GLS: variants seen among roughly 807,000 people sequenced by gnomAD.
GLS encodes the protein glutaminase kidney isoform, mitochondrial.
A neutral mutation model predicts 86.7 loss-of-function variants in GLS; 36 were observed. The ratio of observed to expected loss-of-function variants is 0.42; its 90% CI spans 0.32 to 0.55. The LOEUF (loss-of-function observed/expected upper bound fraction) is 0.55, where lower values mean the gene tolerates loss of function less well. Among genes scored for constraint, GLS ranks in the 20% least tolerant of loss-of-function variants. GLS has a pLI of 0.17. For synonymous variants in GLS, 317 were observed against 305.9 expected, an observed-to-expected ratio of 1.04 and a Z score of -0.38; for missense variants, 528 against 833.4, an observed-to-expected ratio of 0.63 and a Z score of 4.51.
rs1348991312 is a variant in GLS at position 190,943,659 on chromosome 2, C to CA, written c.1651-9904dup. On this transcript the variant is annotated intron_variant, in intron 14 of 17. Transcript: ENST00000320717. The surrounding 1 kb of genome is among the most constrained non-coding windows in gnomAD (Gnocchi z 4.5). ...TGTCTTAAAATATGCTTTTCTCCAG[C>CA]AATTTTCTGTATTATATGTTGGAGG... 6.6e-6 allele frequency among the ~76,000 whole-genome samples: 1 copy of CA among 152,052 alleles called. No homozygotes were observed. Among genetic ancestry groups the CA allele is most frequent in the Non-Finnish European group, 1.5e-5 (1 of 67,992 alleles).
At chr2:190,887,617 G>T (rs1335493944) in intron 1 of GLS, among the ~76,000 whole-genome samples, 2 of 152,010 alleles carry the variant, frequency 1.3e-5, no homozygotes, top group African/African-American at 4.8e-5. Context: ...TTCAATTCTT[G>T]ATGGTAAACT....
chr2:190,900,778 G>C, intron 4 of GLS, 85 bp downstream of exon 4: 1 of 1,020,384 alleles, frequency 9.8e-7, no homozygotes, highest in Non-Finnish European at 1.4e-6. Flanking sequence ...AAATTGTGTA[G>C]TTGTGTTTTG....
chr2:190,908,925 A>T (rs188814696), intron 6 of GLS, among the ~76,000 whole-genome samples: 1 of 152,226 alleles, frequency 6.6e-6, no homozygotes, highest in East Asian at 1.9e-4. Flanking sequence ...ACTCACATTT[A>T]TGTGATACCA....
rs1688183942 is a variant in GLS at position 190,881,562 on chromosome 2, C to G, written c.386+92C>G. 1.2e-5 allele frequency: 14 copies of G among 1,209,948 alleles called. No homozygotes were observed. In the East Asian group the frequency reaches 1.5e-4, roughly 13 times the overall value. 75.0% of individuals were successfully genotyped at this position (1,209,948 alleles called of 1,614,324 possible). A position where few individuals can be genotyped will look rare whatever the true frequency, so the allele number is the denominator to read the frequency against. ...CCCTGCGGTGGGGCGGGATAGGAGC[C>G]GAGGGTCTAGAAAAGAGAAAGAAAG... On this transcript the variant is annotated intron_variant, in intron 1 of 17. Transcript: ENST00000320717.
chr2:190,899,282 T>A (rs1342939902), intron 3 of GLS, among the ~76,000 whole-genome samples: 1 of 152,144 alleles, frequency 6.6e-6, no homozygotes, highest in Non-Finnish European at 1.5e-5. Flanking sequence ...AGCTCTGGGG[T>A]GTCAATACTA....
At position 190,881,207 on chromosome 2, in the gene GLS, G is replaced by T. The variant is rs968829199; in HGVS notation, c.123G>T (p.Gly41=). The T allele has an allele frequency of 8.0e-7, 1 of 1,256,376 alleles. No individual in the cohort carries two copies. Among genetic ancestry groups the T allele is most frequent in the Non-Finnish European group, 1.0e-6 (1 of 1,004,264 alleles). 77.8% of individuals were successfully genotyped at this position (1,256,376 alleles called of 1,614,324 possible). ...CCCTGTGCCGGCGTCCCCGAGGCGG[G>T]GGACGGCCGGCCGCGGGCCCGGCTG... The part of the protein sequence containing the change: ...LVTLCRRPRG[G]GRPAAGPAAA... Residue 41 remains glycine, a synonymous_variant, in exon 1 of 18, where the codon GGG becomes GGT. Coordinates refer to ENST00000320717, the MANE Select transcript of GLS (RefSeq NM_014905.5).
chr2:190,933,453 A>T lies in GLS; in HGVS notation c.1650+1816A>T, dbSNP rs910963957. On this transcript the variant is annotated intron_variant, in intron 14 of 17. Transcript: ENST00000320717. ...TACATTTTAAAAAATTTATTTAAAA[A>T]TTTATCAAATGCTTTAAAATATGAC... 12 of 864,842 alleles carry T rather than the reference A, an allele frequency of 1.4e-5. No homozygotes were observed. The Admixed American group carries it at 5.6e-4, about 40-fold the overall frequency. The allele number at this position is 864,842 out of a possible 1,614,324, so 53.6% of individuals were successfully genotyped here. A position where few individuals can be genotyped will look rare whatever the true frequency, so the allele number is the denominator to read the frequency against.
intron 14 of GLS, among the ~76,000 whole-genome samples, chr2:190,945,477 A>G (rs1690552312): frequency 6.6e-6 from 1 of 152,006 alleles, no homozygotes; most frequent in African/African-American, 2.4e-5. Flanking sequence ...CCTGGGCAAC[A>G]TAGTGAGACC....
At chr2:190,934,033 G>A (rs777350339) in intron 14 of GLS, 2 of 972,920 alleles carry the variant, frequency 2.1e-6, no homozygotes, top group Non-Finnish European at 2.4e-6. Flanking sequence ...TTGGCAAAGT[G>A]ATTGTAAAAT....
Position 190,913,898 on chromosome 2 carries a change from C to G in GLS, c.1038+3577C>G, listed in dbSNP as rs1405157558. On this transcript the variant is annotated intron_variant, in intron 7 of 17. Transcript: ENST00000320717. This position sits in a 1 kb window ranked among gnomAD's most constrained non-coding sequence, Gnocchi z 6.1. ...CACTGCAGCCTCAAACTCCTGTGCT[C>G]AAGTGATCCTGCCACCTCAGACTCC... 1.6e-5 allele frequency: 3 copies of G among 182,794 alleles called. No individual in the cohort carries two copies. The highest frequency in any genetic ancestry group is 3.1e-5 in the Non-Finnish European group (3 of 96,144). 11.3% of individuals were successfully genotyped at this position (182,794 alleles called of 1,614,324 possible).
intron 7 of GLS, among the ~76,000 whole-genome samples, chr2:190,911,390 G>C (rs1167964480): frequency 6.6e-6 from 1 of 152,024 alleles, no homozygotes; most frequent in Non-Finnish European, 1.5e-5. Context: ...ATGTTTACTT[G>C]TTACTTCAAG....
In GLS at chr2:190,930,120, G is replaced by A. The variant is rs894601501; in HGVS notation, c.1426-317G>A. ...CTTGCTCTGTCATCCAGGCTGGAGTGCAGTGGTGCGATCATGGCTCACTGT... is the reference window on the plus strand; with the variant it reads ...CTTGCTCTGTCATCCAGGCTGGAGTACAGTGGTGCGATCATGGCTCACTGT... On this transcript the variant is annotated intron_variant, in intron 12 of 17. Transcript: ENST00000320717. This position sits in a 1 kb window ranked among gnomAD's most constrained non-coding sequence, Gnocchi z 5.0. 5.9e-5 allele frequency among the ~76,000 whole-genome samples: 9 copies of A among 151,384 alleles called. No individual in the cohort carries two copies. The highest frequency in any genetic ancestry group is 2.2e-4 in the African/African-American group (9 of 41,212).
intron 3 of GLS, 22 bp from the exon 4 acceptor site, chr2:190,900,542 A>G: frequency 4.1e-6 from 6 of 1,467,268 alleles, no homozygotes; most frequent in Non-Finnish European, 5.6e-6. Context: ...CAGTTTATTA[A>G]TTATCTTTTT....
intron 17 of GLS, among the ~76,000 whole-genome samples, chr2:190,959,949 G>A (rs751927155): frequency 8.5e-4 from 130 of 152,148 alleles, no homozygotes; most frequent in Non-Finnish European, 2.6e-4. Flanking sequence ...GGGAAGAGAC[G>A]AGACTGAAGG....
intron 7 of GLS, among the ~76,000 whole-genome samples, chr2:190,915,055 G>A (rs768409157): frequency 1.9e-4 from 28 of 150,472 alleles, no homozygotes; most frequent in Non-Finnish European, 1.5e-4. Context: ...CTTGCTTGTC[G>A]CCCAGGCTGG....
intron 14 of GLS, among the ~76,000 whole-genome samples, chr2:190,936,613 A>AG (rs1289812675): frequency 1.3e-5 from 2 of 151,088 alleles, no homozygotes; most frequent in Admixed American, 1.3e-4. Flanking sequence ...ATTCACTACC[A>AG]GGACTGCCAG....
At position 190,895,651 on chromosome 2, in the gene GLS, G is replaced by C; in HGVS notation, c.531G>C (p.Glu177Asp). 4.4e-6 allele frequency: 7 copies of C among 1,602,996 alleles called. No homozygotes were observed. Among genetic ancestry groups the C allele is most frequent in the Non-Finnish European group, 5.1e-6 (6 of 1,170,574 alleles). The change falls in exon 3 of 18, where the codon GAG becomes GAC. Residue 177 changes from glutamate to aspartate, a missense_variant. By Grantham distance (45) the Glu-to-Asp change is conservative (BLOSUM62 2). Around this residue, in one of 4 missense-constraint regions of GLS, gnomAD observed 111 missense variants for 179.5 expected, o/e 0.62. Transcript: ENST00000320717. This position sits in a 1 kb window ranked among gnomAD's most constrained non-coding sequence, Gnocchi z 4.2. Reference sequence around the variant, plus strand: ...GAACGTCTGATCCCAGGTTGAAAGAGTGTATGGATATGTTAAGATTAACTC... The same window carrying C: ...GAACGTCTGATCCCAGGTTGAAAGACTGTATGGATATGTTAAGATTAACTC... Reference protein sequence around the residue: ...GLRTSDPRLKECMDMLRLTLQ... With the variant: ...GLRTSDPRLKDCMDMLRLTLQ...
chr2:190,890,894 A>AT (rs199570611), intron 1 of GLS, among the ~76,000 whole-genome samples: 14 of 151,832 alleles, frequency 9.2e-5, no homozygotes, highest in Non-Finnish European at 1.5e-4. Flanking sequence ...GAAAAAAAAA[A>AT]TAAGAAAGAC....
At position 190,955,793 on chromosome 2, in the gene GLS, GT is replaced by G. The variant is rs1690846575; in HGVS notation, c.1853+978del. On this transcript the variant is annotated intron_variant, in intron 17 of 17. Coordinates refer to ENST00000320717, the MANE Select transcript of GLS (RefSeq NM_014905.5). This position sits in a 1 kb window ranked among gnomAD's most constrained non-coding sequence, Gnocchi z 5.6. ...CTCCACATCCTCTCCAGCATCTATT[GT>G]TTCCTTTTTAGTGATCGCCATTCTA... is the stretch of plus-strand genomic sequence containing the variant. Among the ~76,000 whole-genome samples, 1 of 152,010 alleles carries G rather than the reference GT, an allele frequency of 6.6e-6. No individual in the cohort carries two copies. Among genetic ancestry groups the G allele is most frequent in the African/African-American group, 2.4e-5 (1 of 41,408 alleles).
Sources: allele counts gnomAD v4.1 joint callset (sites outside exome capture counted in the v4.1 genomes callset), GRCh38; gene constraint gnomAD v4.1.1; regional missense constraint gnomAD v4.1.1; non-coding constraint Gnocchi (gnomAD v3.1); transcripts MANE v1.5; gene names NCBI Gene and HGNC (gene_info 2026-07-23, HGNC 2026-07-21).